The following MVB12B variants were observed in gnomAD, a reference collection of about 807,000 sequenced individuals.
MVB12B encodes the protein ESCRT-I complex subunit MVB12B.
A neutral mutation model predicts 41.6 loss-of-function variants in MVB12B; 16 were observed. The observed-to-expected ratio is 0.38, with a 90% CI of 0.26 to 0.58. The LOEUF (loss-of-function observed/expected upper bound fraction) is 0.58, where lower values mean the gene tolerates loss of function less well. MVB12B is among the 20% of genes least tolerant of loss of function. The pLI is 0.62. For synonymous variants in MVB12B, 133 were observed against 139.7 expected (o/e 0.95, Z 0.34); for missense variants, 274 against 380.2 (o/e 0.72, Z 2.32).
At chr9:126,356,918 C>T (rs115219691) in intron 2 of MVB12B, among the ~76,000 whole-genome samples, 2,085 of 151,980 alleles carry the variant, frequency 0.014, 49 homozygotes, top group African/African-American at 0.048. Context: ...GATGCCGGTG[C>T]CATGCTTGTA....
At chr9:126,335,941 G>A (rs1173620524) in intron 1 of MVB12B, among the ~76,000 whole-genome samples, 5 of 152,238 alleles carry the variant, frequency 3.3e-5, no homozygotes, top group Non-Finnish European at 7.3e-5. Context: ...CTCCTCAAAA[G>A]TTGTATGCCA....
chr9:126,340,585 C>A lies in MVB12B; in HGVS notation c.159C>A (p.Val53=), dbSNP rs144718826. 62 of 1,614,006 alleles carry A rather than the reference C, an allele frequency of 3.8e-5. No individual in the cohort carries two copies. The highest frequency in any genetic ancestry group is 1.3e-4 in the Admixed American group (8 of 60,012). ...PETSMDPITG[V]GVVASRNRAP... ...CGTCAATGGATCCCATCACGGGAGT[C>A]GGGGTGGTGGCTTCTCGGAACCGAG... The change falls in exon 2 of 10, where the codon GTC becomes GTA. Residue 53 remains valine, a synonymous_variant. Transcript: ENST00000361171. The surrounding 1 kb of genome is among the most constrained non-coding windows in gnomAD (Gnocchi z 4.0).
chr9:126,471,730 G>A (rs529525847), intron 7 of MVB12B, among the ~76,000 whole-genome samples: 87 of 152,274 alleles, frequency 5.7e-4, no homozygotes, highest in African/African-American at 1.9e-3. Context: ...CACAGGAAAG[G>A]GGCGAAGAAA....
chr9:126,487,766 C>CAAA lies in MVB12B; in HGVS notation c.873+3749_873+3751dup, dbSNP rs570639548. Among the ~76,000 whole-genome samples, 499 of 108,846 alleles carry CAAA rather than the reference C, an allele frequency of 4.6e-3. 7 individuals are homozygous for CAAA. Among genetic ancestry groups the CAAA allele is most frequent in the East Asian group, 0.042 (177 of 4,252 alleles). The allele number at this position is 108,846 out of a possible 152,430, so 71.4% of individuals were successfully genotyped here. On this transcript the variant is annotated intron_variant, in intron 9 of 9. Coordinates refer to ENST00000361171, the MANE Select transcript of MVB12B (RefSeq NM_033446.3). ...TGGGCCACAGGGCGAGACTCCGTCT[C>CAAA]AAAAAAAAAAAAAAAAATAACAAAA...
chr9:126,390,549 A>T (rs1830920690), intron 4 of MVB12B, among the ~76,000 whole-genome samples: 1 of 152,272 alleles, frequency 6.6e-6, no homozygotes, highest in African/African-American at 2.4e-5. Flanking sequence ...AGGCTTGATA[A>T]GTAAGAGAAA....
chr9:126,393,252 C>G (rs906573488), intron 5 of MVB12B, among the ~76,000 whole-genome samples: 10 of 152,226 alleles, frequency 6.6e-5, no homozygotes, highest in Non-Finnish European at 1.5e-4. Flanking sequence ...GGAGGCAGGA[C>G]TGGCATGCCT....
At chr9:126,352,411 G>C (rs1468937020) in intron 2 of MVB12B, among the ~76,000 whole-genome samples, 1 of 152,136 alleles carries the variant, frequency 6.6e-6, no homozygotes, top group Non-Finnish European at 1.5e-5. Flanking sequence ...ATTTGGCTGG[G>C]GTAGAGCAAT....
chr9:126,418,270 G>A (rs1047339429), intron 6 of MVB12B, among the ~76,000 whole-genome samples: 6 of 152,172 alleles, frequency 3.9e-5, no homozygotes, highest in Admixed American at 3.9e-4. Flanking sequence ...GGCCCCGAGG[G>A]ACAAGAAAGT....
At chr9:126,396,310 A>C (rs1425539640) in intron 6 of MVB12B, 2 of 985,508 alleles carry the variant, frequency 2.0e-6, no homozygotes, top group African/African-American at 3.5e-5. Flanking sequence ...CTGCAAAAAG[A>C]ATCCTGTCAA....
intron 2 of MVB12B, among the ~76,000 whole-genome samples, chr9:126,374,297 G>C (rs969041320): frequency 1.5e-4 from 23 of 152,238 alleles, no homozygotes; most frequent in African/African-American, 2.4e-5. Flanking sequence ...CCGGCCCCCA[G>C]ATCTTTCAGG....
chr9:126,451,915 T>G (rs929670180), intron 7 of MVB12B, among the ~76,000 whole-genome samples: 3 of 152,188 alleles, frequency 2.0e-5, no homozygotes, highest in Non-Finnish European at 2.9e-5. Flanking sequence ...TGTGTAAATT[T>G]CATGCAGGTT....
intron 7 of MVB12B, among the ~76,000 whole-genome samples, chr9:126,437,686 G>A (rs917401966): frequency 7.2e-5 from 11 of 152,188 alleles, no homozygotes; most frequent in Admixed American, 3.9e-4. Flanking sequence ...TTAAAATAGC[G>A]TTGACAGGCG....
intron 1 of MVB12B, among the ~76,000 whole-genome samples, chr9:126,337,963 C>T (rs73670803): frequency 6.6e-4 from 101 of 152,204 alleles, no homozygotes; most frequent in African/African-American, 2.3e-3. Flanking sequence ...ATTGAAGTGC[C>T]GGTAGAGACG....
intron 9 of MVB12B, among the ~76,000 whole-genome samples, chr9:126,493,722 G>T (rs556458940): frequency 1.3e-5 from 2 of 152,274 alleles, no homozygotes; most frequent in African/African-American, 4.8e-5. Context: ...TCATTCCTAG[G>T]TGCTTTCTGT....
intron 7 of MVB12B, among the ~76,000 whole-genome samples, chr9:126,428,041 C>T (rs1231581108): frequency 6.6e-6 from 1 of 152,010 alleles, no homozygotes; most frequent in Non-Finnish European, 1.5e-5. Flanking sequence ...AAAACCAGCC[C>T]CCCTTTCAGG....
At chr9:126,355,728 A>G (rs1344056259) in intron 2 of MVB12B, among the ~76,000 whole-genome samples, 1 of 152,214 alleles carries the variant, frequency 6.6e-6, no homozygotes, top group Non-Finnish European at 1.5e-5. Context: ...CCACTGTTTC[A>G]GTGATTGCAG....
intron 7 of MVB12B, among the ~76,000 whole-genome samples, chr9:126,464,977 T>C (rs138568419): frequency 2.6e-5 from 4 of 152,314 alleles, no homozygotes; most frequent in African/African-American, 9.6e-5. Flanking sequence ...CGGTATCGGC[T>C]TCAGACACCC....
intron 4 of MVB12B, among the ~76,000 whole-genome samples, chr9:126,387,736 A>G (rs1391654018): frequency 6.6e-6 from 1 of 152,242 alleles, no homozygotes; most frequent in Non-Finnish European, 1.5e-5. Flanking sequence ...CACCCCTGTG[A>G]TAAATGCTTT....
At chr9:126,457,470 T>G (rs1388240040) in intron 7 of MVB12B, among the ~76,000 whole-genome samples, 1 of 152,230 alleles carries the variant, frequency 6.6e-6, no homozygotes. Flanking sequence ...GTTTATGTCA[T>G]GACCTTCAAG....
Sources: allele counts gnomAD v4.1 joint callset (sites outside exome capture counted in the v4.1 genomes callset), GRCh38; gene constraint gnomAD v4.1.1; non-coding constraint Gnocchi (gnomAD v3.1); transcripts MANE v1.5; gene names NCBI Gene and HGNC (gene_info 2026-07-23, HGNC 2026-07-21).